IDO2: variants seen among roughly 807,000 people sequenced by gnomAD.
IDO2 encodes indoleamine 2,3-dioxygenase-like 1 protein.
In IDO2, 46 loss-of-function variants were observed where a neutral mutation model predicts 45.1. That is an observed-to-expected ratio of 1.02 (90% confidence interval 0.80 to 1.30). The LOEUF (loss-of-function observed/expected upper bound fraction) is 1.30, where lower values mean the gene tolerates loss of function less well. Ranked by LOEUF, IDO2 falls within the 50% of genes most tolerant of loss-of-function variation. IDO2 has a pLI of 0.00. For missense variants in IDO2, 544 were observed against 491.8 expected (o/e 1.11, Z -1.00); for synonymous variants, 218 against 184.9 (o/e 1.18, Z -1.45).
At chr8:39,970,568 CT>C (rs1297807411) in intron 3 of IDO2, among the ~76,000 whole-genome samples, 1 of 152,008 alleles carries the variant, frequency 6.6e-6, no homozygotes, top group Non-Finnish European at 1.5e-5. Flanking sequence ...ATTTTTGTAT[CT>C]TTGGTAGAGA....
At chr8:39,968,044 T>C (rs1308027591) in intron 3 of IDO2, among the ~76,000 whole-genome samples, 2 of 145,774 alleles carry the variant, frequency 1.4e-5, no homozygotes, top group Admixed American at 6.9e-5. Context: ...AAAATCCATA[T>C]ATGAATGTTT....
intron 5 of IDO2, 79 bp downstream of exon 5, chr8:39,982,849 A>C: frequency 1.1e-6 from 1 of 941,526 alleles, no homozygotes. Flanking sequence ...TAATTAGGGA[A>C]GTTCATATTT....
intron 3 of IDO2, among the ~76,000 whole-genome samples, chr8:39,972,197 G>C (rs906198751): frequency 6.6e-6 from 1 of 152,220 alleles, no homozygotes; most frequent in Admixed American, 6.5e-5. Context: ...TGAAAATACT[G>C]TGTTTGAGCT....
chr8:39,990,807 T>C lies in IDO2; in HGVS notation c.667+969T>C, dbSNP rs537205423. Among the ~76,000 whole-genome samples, 17 of 152,340 alleles carry C rather than the reference T, an allele frequency of 1.1e-4. No individual in the cohort carries two copies. In the Middle Eastern group the frequency reaches 0.01, roughly 91 times the overall value. Reference sequence around the variant, plus strand: ...GTTAATCTGCTTAACACAGGCATGGTCAGTTACGGGGCCCAACCTTCCTGG... The same window carrying C: ...GTTAATCTGCTTAACACAGGCATGGCCAGTTACGGGGCCCAACCTTCCTGG... On this transcript the variant is annotated intron_variant, in intron 8 of 10. Transcript: ENST00000502986.
chr8:39,952,904 G>C (rs1306750348), intron 2 of IDO2, among the ~76,000 whole-genome samples: 1 of 152,072 alleles, frequency 6.6e-6, no homozygotes, highest in African/African-American at 2.4e-5. Context: ...GAGTAGCTGG[G>C]ATTACAGGCA....
chr8:40,011,412 A>G (rs759788136), intron 9 of IDO2, among the ~76,000 whole-genome samples: 12 of 152,216 alleles, frequency 7.9e-5, no homozygotes, highest in Non-Finnish European at 1.3e-4. Flanking sequence ...GTGTGCCCAT[A>G]TATCACCCAA....
intron 1 of IDO2, among the ~76,000 whole-genome samples, chr8:39,944,272 C>CCA (rs202191560): frequency 0.79 from 120,100 of 151,822 alleles, 48,640 homozygotes; most frequent in East Asian, 0.88. Flanking sequence ...ACGCAAGGAT[C>CCA]CACTTTGGGA....
chr8:39,990,210 C>T (rs1403233123), intron 8 of IDO2, among the ~76,000 whole-genome samples: 1 of 152,136 alleles, frequency 6.6e-6, no homozygotes, highest in African/African-American at 2.4e-5. Context: ...GTTGTCTACA[C>T]TCTGTAATGC....
At chr8:40,014,679 G>A (rs1802359850) in intron 10 of IDO2, among the ~76,000 whole-genome samples, 1 of 152,126 alleles carries the variant, frequency 6.6e-6, no homozygotes, top group African/African-American at 2.4e-5. Context: ...TTATATATTG[G>A]CAAACAAATC....
At chr8:39,981,272 G>A (rs536391249) in intron 4 of IDO2, among the ~76,000 whole-genome samples, 64 of 151,940 alleles carry the variant, frequency 4.2e-4, no homozygotes, top group Non-Finnish European at 7.5e-4. Context: ...ATGTTAGCCA[G>A]GATGGTCTCG....
chr8:40,015,564 G>T, exon 11 of IDO2: 1 of 1,613,798 alleles, frequency 6.2e-7, no homozygotes, highest in Non-Finnish European at 8.5e-7. Context: ...GAGTGTCAGG[G>T]ATAAGACCTT....
chr8:39,949,217 A>G, exon 2 of IDO2: 1 of 1,606,906 alleles, frequency 6.2e-7, no homozygotes, highest in Non-Finnish European at 8.5e-7. Flanking sequence ...GTCTTTGGAA[A>G]GCTATCACAT....
chr8:39,971,879 G>A (rs1808185045), intron 3 of IDO2, among the ~76,000 whole-genome samples: 1 of 152,012 alleles, frequency 6.6e-6, no homozygotes, highest in Admixed American at 6.6e-5. Context: ...CGCAATCTTG[G>A]CTCACTGCAG....
chr8:40,009,452 T>G (rs72630598), intron 9 of IDO2, among the ~76,000 whole-genome samples: 1 of 84,170 alleles, frequency 1.2e-5, no homozygotes, highest in African/African-American at 6.3e-5. Flanking sequence ...AAAAAAAAAA[T>G]GATCTCATTT....
At chr8:39,974,598 C>A (rs1327847996) in intron 3 of IDO2, among the ~76,000 whole-genome samples, 1 of 151,972 alleles carries the variant, frequency 6.6e-6, no homozygotes, top group East Asian at 1.9e-4. Context: ...TCCTGGCCAA[C>A]ATGGTGAAAC....
At chr8:39,993,224 G>C (rs1217939313) in intron 8 of IDO2, among the ~76,000 whole-genome samples, 1 of 151,454 alleles carries the variant, frequency 6.6e-6, no homozygotes, top group East Asian at 1.9e-4. Flanking sequence ...ATTAAGACAT[G>C]TGTTTTTTTT....
At position 40,015,486 on chromosome 8, in the gene IDO2, C is replaced by A. The variant is rs1802373901; in HGVS notation, c.1108C>A (p.Leu370Ile). 7 of 1,613,892 alleles carry A rather than the reference C, an allele frequency of 4.3e-6. No homozygotes were observed. Among genetic ancestry groups the A allele is most frequent in the African/African-American group, 1.3e-5 (1 of 74,934 alleles). The change falls in exon 11 of 11, where the codon CTC (leucine) becomes ATC (isoleucine). Residue 370 changes from leucine to isoleucine, a missense_variant. Transcript: ENST00000502986. ...GGCAAAGCATGGGAAGCCAAACCAT[C>A]TCCCAGGGCCTCCTCAGGCTTTAAA...
intron 1 of IDO2, among the ~76,000 whole-genome samples, chr8:39,944,707 T>A (rs992056671): frequency 2.6e-5 from 4 of 152,234 alleles, no homozygotes; most frequent in Non-Finnish European, 5.9e-5. Context: ...TAACCATTTA[T>A]CCTTTTAACT....
At chr8:40,006,880 C>T (rs968623701) in intron 9 of IDO2, among the ~76,000 whole-genome samples, 14 of 151,976 alleles carry the variant, frequency 9.2e-5, no homozygotes, top group Admixed American at 2.6e-4. Flanking sequence ...AGGCTGGTCT[C>T]GAACTCCTGA....
Sources: gnomAD v4.1 joint callset for allele counts (sites outside exome capture counted in the v4.1 genomes callset) on GRCh38, gnomAD v4.1.1 for gene constraint, MANE v1.5 for transcripts, NCBI Gene and HGNC (gene_info 2026-07-23, HGNC 2026-07-21) for gene names.